Variants in CSMD3 observed in about 807,000 individuals in gnomAD.
CSMD3 encodes the protein CUB and sushi domain-containing protein 3.
CSMD3 carries 177 observed loss-of-function variants against 435.2 expected under a neutral mutation model. The ratio of observed to expected loss-of-function variants is 0.41; its 90% CI spans 0.36 to 0.46. CSMD3 has a LOEUF of 0.46. Among genes scored for constraint, CSMD3 ranks in the 20% least tolerant of loss-of-function variants. CSMD3 has a pLI of 0.34. For missense variants in CSMD3, 4,265 were observed against 4,504.6 expected, an observed-to-expected ratio of 0.95 and a Z score of 1.52; for synonymous variants, 1,656 against 1,520.5, an observed-to-expected ratio of 1.09 and a Z score of -2.07.
At chr8:112,515,067 G>A (rs988680513) in intron 28 of CSMD3, among the ~76,000 whole-genome samples, 1 of 151,554 alleles carries the variant, frequency 6.6e-6, no homozygotes, top group Non-Finnish European at 1.5e-5. Context: ...TTCTAGAATA[G>A]GACTTGCTAG....
intron 38 of CSMD3, among the ~76,000 whole-genome samples, chr8:112,376,687 T>C (rs985537660): frequency 2.6e-5 from 4 of 152,182 alleles, no homozygotes; most frequent in African/African-American, 9.6e-5. Flanking sequence ...CCAGCATCAG[T>C]GTAGGTATAC....
intron 32 of CSMD3, among the ~76,000 whole-genome samples, chr8:112,442,186 T>C (rs777090709): frequency 2.0e-4 from 31 of 152,102 alleles, no homozygotes; most frequent in Admixed American, 7.9e-4. Context: ...CCATGTCGAG[T>C]GTGAACTAAT....
At chr8:112,840,448 A>G (rs985246771) in intron 11 of CSMD3, among the ~76,000 whole-genome samples, 48 of 151,880 alleles carry the variant, frequency 3.2e-4, no homozygotes, top group African/African-American at 1.1e-3. Context: ...GAAACTGGGA[A>G]AGTTACTTTG....
At chr8:113,415,077 A>C (rs1417019839) in intron 1 of CSMD3, among the ~76,000 whole-genome samples, 1 of 152,206 alleles carries the variant, frequency 6.6e-6, no homozygotes, top group Non-Finnish European at 1.5e-5. Flanking sequence ...GAAATTAAAA[A>C]AATACCGAAG....
chr8:112,506,732 G>C lies in CSMD3; in HGVS notation c.4854C>G (p.Ile1618Met), dbSNP rs536476939. ...YPHSRDCDWT[I>M]TVNADYVISL... ...AGATAACATAGTCTGCATTGACGGT[G>C]ATAGTCCAGTCACAGTCTCTGCTAT... The change falls in exon 29 of 71, where the codon ATC (isoleucine) becomes ATG (methionine). Residue 1618 changes from isoleucine (I) to methionine (M), a missense_variant. By Grantham distance (10) the Ile-to-Met change is conservative. This residue lies in a region of CSMD3 where 3,255 missense variants were observed against 3,380.2 expected (regional missense o/e 0.96). Transcript: ENST00000297405. 7 of 1,613,480 alleles carry C rather than the reference G, an allele frequency of 4.3e-6. No individual in the cohort carries two copies. The African/African-American group carries it at 6.7e-5, about 15-fold the overall frequency.
At chr8:113,369,911 C>G (rs10955655) in intron 1 of CSMD3, among the ~76,000 whole-genome samples, 97,630 of 151,520 alleles carry the variant, frequency 0.64, 32,815 homozygotes, top group Admixed American at 0.75. Flanking sequence ...GAGGCAGTGA[C>G]AGTGGGGGAT....
chr8:113,025,952 T>C (rs1361396227), intron 5 of CSMD3, among the ~76,000 whole-genome samples: 2 of 152,112 alleles, frequency 1.3e-5, no homozygotes. Context: ...TCACGATGGA[T>C]AAACAATGAC....
chr8:113,062,329 G>A (rs561116100), intron 5 of CSMD3, among the ~76,000 whole-genome samples: 3 of 151,798 alleles, frequency 2.0e-5, no homozygotes, highest in South Asian at 2.1e-4. Context: ...TGAACTGCTC[G>A]GAACAAAATT....
At chr8:112,573,787 CTAAATA>C (rs1232456721) in intron 23 of CSMD3, 130 bp from the exon 24 acceptor site, 2 of 695,656 alleles carry the variant, frequency 2.9e-6, no homozygotes, top group Non-Finnish European at 4.8e-6. Flanking sequence ...CAAAGGGCAA[CTAAATA>C]TATTGGTTTC....
At chr8:113,014,327 C>T (rs2086370267) in intron 6 of CSMD3, among the ~76,000 whole-genome samples, 1 of 152,004 alleles carries the variant, frequency 6.6e-6, no homozygotes, top group Non-Finnish European at 1.5e-5. Flanking sequence ...GTGGAGACTC[C>T]ATTCTCTGTA....
At chr8:113,155,054 T>C (rs1164260139) in intron 4 of CSMD3, among the ~76,000 whole-genome samples, 1 of 152,028 alleles carries the variant, frequency 6.6e-6, no homozygotes, top group Non-Finnish European at 1.5e-5. Context: ...ATAAACTATC[T>C]TCCAAATCTT....
chr8:112,922,950 C>A (rs1267068418), intron 9 of CSMD3, among the ~76,000 whole-genome samples: 1 of 152,094 alleles, frequency 6.6e-6, no homozygotes, highest in Admixed American at 6.6e-5. Context: ...TTTCTCATCT[C>A]AATAAACGAA....
chr8:112,961,870 G>GT (rs1310352085), intron 7 of CSMD3, among the ~76,000 whole-genome samples: 1 of 151,908 alleles, frequency 6.6e-6, no homozygotes, highest in Non-Finnish European at 1.5e-5. Flanking sequence ...AATGCTTGGC[G>GT]TAACAGGTCT....
At chr8:113,198,135 G>A (rs2092679554) in intron 3 of CSMD3, among the ~76,000 whole-genome samples, 1 of 151,376 alleles carries the variant, frequency 6.6e-6, no homozygotes, top group Admixed American at 6.6e-5. Flanking sequence ...TGGAATTCAA[G>A]TTGGTACCAA....
At chr8:113,083,908 G>A (rs1377420516) in intron 5 of CSMD3, among the ~76,000 whole-genome samples, 1 of 152,026 alleles carries the variant, frequency 6.6e-6, no homozygotes, top group Non-Finnish European at 1.5e-5. Flanking sequence ...AAGAAGTTGA[G>A]GTGGCAGTGA....
intron 46 of CSMD3, 86 bp downstream of exon 46, chr8:112,319,815 T>C: frequency 1.1e-6 from 1 of 921,886 alleles, no homozygotes. Context: ...CAAGACAGGC[T>C]ATTACTATTC....
At chr8:112,240,190 C>A (rs1221814845) in intron 66 of CSMD3, among the ~76,000 whole-genome samples, 1 of 152,006 alleles carries the variant, frequency 6.6e-6, no homozygotes, top group African/African-American at 2.4e-5. Flanking sequence ...CCTCATTGAA[C>A]TTTAATCACA....
At chr8:112,658,385 C>T (rs1185524980) in intron 17 of CSMD3, among the ~76,000 whole-genome samples, 1 of 152,096 alleles carries the variant, frequency 6.6e-6, no homozygotes, top group Non-Finnish European at 1.5e-5. Context: ...AGGTTAGAAA[C>T]TCTATTTCAT....
In CSMD3 at chr8:112,612,709, C is replaced by CTTTTTTTT. The variant is rs532290154; in HGVS notation, c.3715+24100_3715+24107dup. Among the ~76,000 whole-genome samples the CTTTTTTTT allele has an allele frequency of 7.3e-4, 48 of 65,888 alleles. 2 individuals are homozygous for CTTTTTTTT. The highest frequency in any genetic ancestry group is 1.6e-3 in the Admixed American group (7 of 4,368). 43.2% of individuals were successfully genotyped at this position (65,888 alleles called of 152,430 possible). On this transcript the variant is annotated intron_variant, in intron 22 of 70. Transcript: ENST00000297405. Reference sequence around the variant, plus strand: ...TTTCTGAACTCTTTCTTTCTTTGTTCTTTTTTTTTTTTTTTTTTTTTTTTT... The same window carrying CTTTTTTTT: ...TTTCTGAACTCTTTCTTTCTTTGTTCTTTTTTTTTTTTTTTTTTTTTTTTTTTTTTTTT...
Sources: allele counts gnomAD v4.1 joint callset (sites outside exome capture counted in the v4.1 genomes callset), GRCh38; gene constraint gnomAD v4.1.1; regional missense constraint gnomAD v4.1.1; transcripts MANE v1.5; gene names NCBI Gene and HGNC (gene_info 2026-07-23, HGNC 2026-07-21).